The following MYO18B variants were observed in gnomAD, a reference collection of about 807,000 sequenced individuals.
The protein encoded by MYO18B is myosin XVIIIB, also known as unconventional myosin-XVIIIb.
Under a neutral mutation model 273.0 loss-of-function variants are expected in MYO18B, and 204 were observed. The observed-to-expected ratio is 0.75, with a 90% CI of 0.67 to 0.84. MYO18B has a LOEUF of 0.84. Among genes scored for constraint, MYO18B ranks in the 40% least tolerant of loss-of-function variants. The pLI is 0.00. For missense variants in MYO18B, 3,212 were observed against 3,287.6 expected (o/e 0.98, Z 0.56); for synonymous variants, 1,330 against 1,305.7 (o/e 1.02, Z -0.40).
intron 39 of MYO18B, among the ~76,000 whole-genome samples, chr22:25,977,586 C>T (rs1010646385): frequency 6.6e-6 from 1 of 152,050 alleles, no homozygotes; most frequent in Non-Finnish European, 1.5e-5. Flanking sequence ...TGGGGCATTA[C>T]AATAGTTTGG....
intron 42 of MYO18B, among the ~76,000 whole-genome samples, chr22:26,026,183 G>A (rs753421709): frequency 9.2e-5 from 14 of 152,218 alleles, no homozygotes; most frequent in South Asian, 2.1e-4. Flanking sequence ...TAATTCATCC[G>A]TCCTAGCTGC....
At chr22:26,013,526 T>C (rs1277955237) in intron 42 of MYO18B, among the ~76,000 whole-genome samples, 2 of 152,232 alleles carry the variant, frequency 1.3e-5, no homozygotes, top group Non-Finnish European at 2.9e-5. Flanking sequence ...TTTTGTTGCA[T>C]GAATATACAG....
chr22:25,857,638 C>T (rs999834591), intron 21 of MYO18B, among the ~76,000 whole-genome samples: 4 of 152,194 alleles, frequency 2.6e-5, no homozygotes, highest in Non-Finnish European at 4.4e-5. Flanking sequence ...TGCTGTCTCC[C>T]TCCAGTTTGG....
At chr22:26,060,202 A>G in the MYO18B span, among the ~76,000 whole-genome samples, 1 of 152,228 alleles carries the variant, frequency 6.6e-6, no homozygotes, top group African/African-American at 2.4e-5. Flanking sequence ...TCATCAGAAC[A>G]TATAATTTGT....
At chr22:25,906,288 A>G (rs2092041171) in intron 31 of MYO18B, among the ~76,000 whole-genome samples, 2 of 139,910 alleles carry the variant, frequency 1.4e-5, no homozygotes, top group African/African-American at 2.5e-5. Context: ...GAAAAAATGA[A>G]AAAGAAATAT....
chr22:25,780,889 C>T (rs1032898415), intron 9 of MYO18B, among the ~76,000 whole-genome samples: 4 of 152,150 alleles, frequency 2.6e-5, no homozygotes, highest in African/African-American at 7.2e-5. Context: ...CCGCGTGTGA[C>T]GAACACATGG....
At chr22:25,869,360 G>T (rs1461435434) in intron 22 of MYO18B, among the ~76,000 whole-genome samples, 1 of 146,788 alleles carries the variant, frequency 6.8e-6, no homozygotes, top group Non-Finnish European at 1.5e-5. Context: ...CGAGGCAGGA[G>T]AATCGCTTGA....
At chr22:25,999,596 C>T (rs1933723046) in intron 40 of MYO18B, among the ~76,000 whole-genome samples, 1 of 129,146 alleles carries the variant, frequency 7.7e-6, no homozygotes. Context: ...CCTCTTCCTC[C>T]TTTCTCCTCC....
At chr22:25,921,855 T>TGTGTGTGC (rs1491121593) in intron 34 of MYO18B, among the ~76,000 whole-genome samples, 20 of 142,904 alleles carry the variant, frequency 1.4e-4, no homozygotes, top group African/African-American at 4.9e-4. Flanking sequence ...TGTGTGTGTG[T>TGTGTGTGC]GGTGACTGCC....
chr22:25,772,382 A>G lies in MYO18B; in HGVS notation c.1741A>G (p.Ser581Gly). 1 of 1,613,964 alleles carries G rather than the reference A, an allele frequency of 6.2e-7. No individual in the cohort carries two copies. The highest frequency in any genetic ancestry group is 8.5e-7 in the Non-Finnish European group (1 of 1,179,874). ...GGTCGAGGACCTGGCCTCTCTCATC[A>G]GTGTCAACGAATCCAGTGTCCTGAA... ...DQVEDLASLI[S>G]VNESSVLNTL... The change falls in exon 7 of 44, where the codon AGT (serine) becomes GGT (glycine). Residue 581 changes from serine to glycine, a missense_variant. Ser to Gly is a moderately conservative substitution (Grantham distance 56, BLOSUM62 0). Transcript: ENST00000335473.
In MYO18B at chr22:25,950,446, A is replaced by G. The variant is rs1419961769; in HGVS notation, c.5828A>G (p.Glu1943Gly). The change falls in exon 37 of 44, where the codon GAA (glutamate) becomes GGA (glycine). Residue 1943 changes from glutamate to glycine, a missense_variant. Physicochemically the swap from Glu to Gly is moderately conservative, Grantham distance 98. Transcript: ENST00000335473. ...EAKKEKHKLQEQLQVAQMRIE... is the reference protein window; with the variant it reads ...EAKKEKHKLQGQLQVAQMRIE... ...AAGAAGGAGAAGCACAAGCTACAAGAACAAGTATGTGCTCAGAGCCATCCT... is the reference window on the plus strand; with the variant it reads ...AAGAAGGAGAAGCACAAGCTACAAGGACAAGTATGTGCTCAGAGCCATCCT... The G allele has an allele frequency of 1.2e-6, 2 of 1,601,686 alleles. No homozygotes were observed. Among genetic ancestry groups the G allele is most frequent in the Non-Finnish European group, 1.7e-6 (2 of 1,173,990 alleles).
intron 41 of MYO18B, 135 bp downstream of exon 41, chr22:26,003,444 T>C: frequency 1.3e-6 from 1 of 775,866 alleles, no homozygotes; most frequent in Non-Finnish European, 2.2e-6. Flanking sequence ...GCCTTCATGG[T>C]CATAACCTAT....
At chr22:25,947,946 T>G in intron 36 of MYO18B, 118 bp downstream of exon 36, 1 of 711,108 alleles carries the variant, frequency 1.4e-6, no homozygotes, top group South Asian at 1.7e-5. Context: ...GAGGGATAAG[T>G]GCACAGAGAT....
the MYO18B span, among the ~76,000 whole-genome samples, chr22:26,054,602 G>A: frequency 6.6e-6 from 1 of 152,224 alleles, no homozygotes; most frequent in Non-Finnish European, 1.5e-5. Flanking sequence ...CAAGGACACT[G>A]TATGTTCCTT....
At chr22:25,760,405 C>T (rs953919727) in intron 1 of MYO18B, among the ~76,000 whole-genome samples, 4 of 79,482 alleles carry the variant, frequency 5.0e-5, no homozygotes, top group African/African-American at 2.0e-4. Context: ...GAGCAAGACT[C>T]CATCTCAAAA....
intron 1 of MYO18B, among the ~76,000 whole-genome samples, chr22:25,746,137 TAAGA>T (rs1402549612): frequency 6.6e-6 from 1 of 152,218 alleles, no homozygotes; most frequent in Admixed American, 6.5e-5. Context: ...CAGAGACAGA[TAAGA>T]AAGCTTTTTC....
chr22:25,797,700 A>G (rs2087982181), intron 11 of MYO18B, among the ~76,000 whole-genome samples: 1 of 152,176 alleles, frequency 6.6e-6, no homozygotes, highest in African/African-American at 2.4e-5. Flanking sequence ...GAGCTTCCAT[A>G]AATCTGTAAT....
At chr22:25,891,489 G>T in intron 27 of MYO18B, 77 bp downstream of exon 27, 1 of 975,846 alleles carries the variant, frequency 1.0e-6, no homozygotes, top group South Asian at 1.5e-5. Context: ...CACTCATAGA[G>T]CACTTTTTAG....
intron 2 of MYO18B, 103 bp from the exon 3 acceptor site, chr22:25,763,128 G>A (rs1276082643): frequency 4.3e-6 from 6 of 1,385,354 alleles, no homozygotes; most frequent in East Asian, 2.3e-5. Context: ...GGTCATGTAT[G>A]TCTCCTCCGC....
Sources: allele counts gnomAD v4.1 joint callset (sites outside exome capture counted in the v4.1 genomes callset), GRCh38; gene constraint gnomAD v4.1.1; transcripts MANE v1.5; gene names NCBI Gene and HGNC (gene_info 2026-07-23, HGNC 2026-07-21).